The following ST14 variants were observed in gnomAD, a reference collection of about 807,000 sequenced individuals.
The protein encoded by ST14 is suppressor of tumorigenicity 14 protein.
Under a neutral mutation model 96.5 loss-of-function variants are expected in ST14, and 40 were observed. The ratio of observed to expected loss-of-function variants is 0.41; its 90% CI spans 0.32 to 0.54. The LOEUF (loss-of-function observed/expected upper bound fraction) is 0.54, where lower values mean the gene tolerates loss of function less well. Among genes scored for constraint, ST14 ranks in the 20% least tolerant of loss-of-function variants. ST14 has a pLI of 0.17. For synonymous variants in ST14, 506 were observed against 492.1 expected (o/e 1.03, Z -0.37); for missense variants, 1,066 against 1,188.9 (o/e 0.90, Z 1.52).
intron 17 of ST14, 51 bp from the exon 18 acceptor site, chr11:130,209,391 C>G: frequency 6.4e-7 from 1 of 1,553,840 alleles, no homozygotes; most frequent in Non-Finnish European, 8.7e-7. Flanking sequence ...TCTCGAATGA[C>G]GCTGCCCTCG....
At chr11:130,202,728 A>G (rs772213703) in intron 16 of ST14, among the ~76,000 whole-genome samples, 1 of 152,236 alleles carries the variant, frequency 6.6e-6, no homozygotes, top group Non-Finnish European at 1.5e-5. Context: ...TTAAATGCAC[A>G]GGCTGCCTAG....
At chr11:130,209,363 A>G (rs1953523410) in intron 17 of ST14, 79 bp from the exon 18 acceptor site, 9 of 1,537,182 alleles carry the variant, frequency 5.9e-6, no homozygotes, top group Middle Eastern at 2.0e-4. Flanking sequence ...TTTCTAGTCC[A>G]ATGACCCGTG....
intron 1 of ST14, among the ~76,000 whole-genome samples, chr11:130,163,604 G>A (rs1953015867): frequency 6.6e-6 from 1 of 152,184 alleles, no homozygotes; most frequent in Non-Finnish European, 1.5e-5. Context: ...TGCTGGGCAG[G>A]TGTGTGCAGT....
At position 130,199,962 on chromosome 11, in the gene ST14, C is replaced by G; in HGVS notation, c.1819C>G (p.Arg607Gly). Residue 607 changes from arginine (R) to glycine (G), a missense_variant, in exon 16 of 19, where the codon CGG (arginine) becomes GGG (glycine). Transcript: ENST00000278742. ...SDEKDCDCGL[R>G]SFTRQARVVG... is the part of the protein sequence containing the mutation. ...TGCTCCCTCTGCAGACTGTGGGCTG[C>G]GGTCATTCACGAGACAGGCTCGTGT... 6.2e-7 allele frequency: 1 copy of G among 1,614,176 alleles called. No homozygotes were observed. The highest frequency in any genetic ancestry group is 8.5e-7 in the Non-Finnish European group (1 of 1,180,030).
At chr11:130,176,788 CTTTTT>C (rs56764956) in intron 1 of ST14, among the ~76,000 whole-genome samples, 3 of 59,258 alleles carry the variant, frequency 5.1e-5, no homozygotes, top group African/African-American at 1.3e-4. Context: ...TAGGGCTTAA[CTTTTT>C]TTTTTTTTTT....
At position 130,190,645 on chromosome 11, in the gene ST14, G is replaced by C. The variant is rs1565624193; in HGVS notation, c.826G>C (p.Val276Leu). ...CTGCGACGAGCGCGGCAGCGACCTG[G>C]TGACGGTGTACAACACCCTGAGCCC... Reference protein sequence around the residue: ...ASCDERGSDLVTVYNTLSPME... With the variant: ...ASCDERGSDLLTVYNTLSPME... The change falls in exon 7 of 19, where the codon GTG becomes CTG. Residue 276 changes from valine to leucine, a missense_variant. Val to Leu is a conservative substitution (Grantham distance 32). Transcript: ENST00000278742. The C allele has an allele frequency of 1.2e-6, 2 of 1,607,742 alleles. No individual in the cohort carries two copies. The highest frequency in any genetic ancestry group is 1.7e-6 in the Non-Finnish European group (2 of 1,177,598).
intron 15 of ST14, among the ~76,000 whole-genome samples, chr11:130,199,590 C>T (rs1018220997): frequency 6.6e-6 from 1 of 152,206 alleles, no homozygotes; most frequent in South Asian, 2.1e-4. Context: ...CTCCCTGCTC[C>T]ATGCTGCCCC....
intron 1 of ST14, among the ~76,000 whole-genome samples, chr11:130,177,548 A>G (rs1192653323): frequency 6.6e-6 from 1 of 152,104 alleles, no homozygotes; most frequent in Non-Finnish European, 1.5e-5. Flanking sequence ...GGGCGACAAG[A>G]GCGAAACTCC....
intron 1 of ST14, among the ~76,000 whole-genome samples, chr11:130,178,222 C>T (rs551750085): frequency 7.2e-5 from 11 of 152,176 alleles, no homozygotes; most frequent in Admixed American, 7.2e-4. Flanking sequence ...GGAAGAGCCA[C>T]GAAGATAAAA....
Position 130,196,465 on chromosome 11 carries a change from A to G in ST14, c.1223+17A>G, listed in dbSNP as rs772559240. On this transcript the variant is annotated intron_variant, in intron 10 of 18. Coordinates refer to ENST00000278742, the MANE Select transcript of ST14 (RefSeq NM_021978.4). ...CGGGGAGAAGTGAGTCCCCGGGGGT[A>G]TGGGGGCTGCCGGGCCCATGCTGCA... The G allele has an allele frequency of 1.2e-6, 2 of 1,600,784 alleles. No individual in the cohort carries two copies. Among genetic ancestry groups the G allele is most frequent in the Non-Finnish European group, 1.7e-6 (2 of 1,172,854 alleles).
chr11:130,208,597 C>T lies in ST14; in HGVS notation c.2182C>T (p.Arg728Trp). The change falls in exon 17 of 19, where the codon CGG becomes TGG. Residue 728 changes from arginine to tryptophan, a missense_variant. Arg to Trp is a moderately radical substitution (Grantham distance 101). Transcript: ENST00000278742. ...EKPAEYSSMV[R>W]PICLPDASHV... The stretch of plus-strand genomic sequence containing the variant: ...ACCGGCAGAGTACAGCTCCATGGTG[C>T]GGCCCATCTGCCTGCCGGACGCCTC... The T allele has an allele frequency of 6.2e-7, 1 of 1,614,124 alleles. No individual in the cohort carries two copies. The highest frequency in any genetic ancestry group is 8.5e-7 in the Non-Finnish European group (1 of 1,180,002).
At chr11:130,208,777 G>T (rs943094771) in intron 17 of ST14, 93 bp downstream of exon 17, 12 of 1,443,416 alleles carry the variant, frequency 8.3e-6, no homozygotes, top group South Asian at 1.4e-5. Flanking sequence ...GGGGCGGGGG[G>T]CTGCTCCAGT....
intron 7 of ST14, among the ~76,000 whole-genome samples, chr11:130,193,103 G>GTTT (rs34913703): frequency 2.1e-4 from 31 of 148,708 alleles, no homozygotes; most frequent in Non-Finnish European, 2.1e-4. Context: ...TGCCAGGCAT[G>GTTT]TTTTTTTTTT....
In ST14 at chr11:130,159,814, A is replaced by C; in HGVS notation, c.-166A>C. The C allele has an allele frequency of 4.8e-6, 1 of 209,850 alleles. No individual in the cohort carries two copies. 13.0% of individuals were successfully genotyped at this position (209,850 alleles called of 1,614,324 possible). A position where few individuals can be genotyped will look rare whatever the true frequency, so the allele number is the denominator to read the frequency against. On this transcript the variant is annotated 5_prime_UTR_variant, in exon 1 of 19. Coordinates refer to ENST00000278742, the MANE Select transcript of ST14 (RefSeq NM_021978.4). ...CGGAGCTGCAGCCGGAGAAAGAGGA[A>C]GAGGGAGAGAGAGCGCGCCAGGGCG...
At chr11:130,192,400 T>C (rs1034787500) in intron 7 of ST14, among the ~76,000 whole-genome samples, 1 of 152,228 alleles carries the variant, frequency 6.6e-6, no homozygotes, top group Non-Finnish European at 1.5e-5. Context: ...GTTAATTCTT[T>C]TTCTTTGAGA....
chr11:130,207,168 G>A (rs1433871369), intron 16 of ST14, among the ~76,000 whole-genome samples: 1 of 152,154 alleles, frequency 6.6e-6, no homozygotes, highest in Non-Finnish European at 1.5e-5. Context: ...TTTTTCCAAG[G>A]AGCCCTGGTT....
chr11:130,197,501 C>A (rs1020138516), intron 11 of ST14, among the ~76,000 whole-genome samples: 2 of 152,260 alleles, frequency 1.3e-5, no homozygotes, highest in African/African-American at 4.8e-5. Flanking sequence ...CTCAGGGGCA[C>A]CAGGCAGCCC....
At position 130,188,493 on chromosome 11, in the gene ST14, C is replaced by T. The variant is rs1275538836; in HGVS notation, c.242-37C>T. ...GGCGAGGGACAGGCGGGGGTGGTAC[C>T]ACCTCCCCTGACTGAGCGCCTTCTG... On this transcript the variant is annotated intron_variant, in intron 2 of 18. Coordinates refer to ENST00000278742, the MANE Select transcript of ST14 (RefSeq NM_021978.4). This position sits in a 1 kb window ranked among gnomAD's most constrained non-coding sequence, Gnocchi z 5.4. The T allele has an allele frequency of 2.5e-6, 4 of 1,610,314 alleles. No homozygotes were observed. The highest frequency in any genetic ancestry group is 1.7e-5 in the Admixed American group (1 of 60,022).
chr11:130,188,335 A>G lies in ST14; in HGVS notation c.241+62A>G, dbSNP rs1953259211. The G allele has an allele frequency of 4.4e-6, 7 of 1,589,874 alleles. No homozygotes were observed. The highest frequency in any genetic ancestry group is 6.0e-6 in the Non-Finnish European group (7 of 1,167,078). ...AAGGGGTGGCTGTCCCTCTTCCCTC[A>G]GCGGACAGACCCAGGGCCACCTACT... On this transcript the variant is annotated intron_variant, in intron 2 of 18. Transcript: ENST00000278742. The surrounding 1 kb of genome is among the most constrained non-coding windows in gnomAD (Gnocchi z 5.4).
Sources: allele counts gnomAD v4.1 joint callset (sites outside exome capture counted in the v4.1 genomes callset), GRCh38; gene constraint gnomAD v4.1.1; non-coding constraint Gnocchi (gnomAD v3.1); transcripts MANE v1.5; gene names NCBI Gene and HGNC (gene_info 2026-07-23, HGNC 2026-07-21).